RALGPS2: variants seen among roughly 807,000 people sequenced by gnomAD.
The protein encoded by RALGPS2 is Ral GEF with PH domain and SH3 binding motif 2, also known as ras-specific guanine nucleotide-releasing factor RalGPS2.
In RALGPS2, 43 loss-of-function variants were observed where a neutral mutation model predicts 86.8. That is an observed-to-expected ratio of 0.50 (90% CI 0.39 to 0.64). The LOEUF is 0.64. RALGPS2 is among the 30% of genes least tolerant of loss of function. The pLI is 0.00. For missense variants in RALGPS2, 536 were observed against 694.6 expected (o/e 0.77, Z 2.57); for synonymous variants, 243 against 231.3 (o/e 1.05, Z -0.46).
At chr1:178,822,966 A>C (rs985005662) in intron 7 of RALGPS2, among the ~76,000 whole-genome samples, 1 of 152,136 alleles carries the variant, frequency 6.6e-6, no homozygotes, top group Admixed American at 6.5e-5. Flanking sequence ...CTACAGGCAC[A>C]TGCCACCATG....
intron 12 of RALGPS2, among the ~76,000 whole-genome samples, 180 bp from the exon 13 acceptor site, chr1:178,885,789 A>G (rs1659455237): frequency 6.6e-6 from 1 of 152,208 alleles, no homozygotes; most frequent in African/African-American, 2.4e-5. Flanking sequence ...CTCTAATTAT[A>G]TAGATAGATA....
chr1:178,799,413 A>G (rs1363400601), intron 4 of RALGPS2, among the ~76,000 whole-genome samples: 3 of 152,206 alleles, frequency 2.0e-5, no homozygotes, highest in African/African-American at 7.2e-5. Context: ...AGCAAGGAAG[A>G]GAGGCAAGCA....
At chr1:178,870,007 T>G (rs1658652494) in intron 8 of RALGPS2, among the ~76,000 whole-genome samples, 1 of 152,150 alleles carries the variant, frequency 6.6e-6, no homozygotes, top group Non-Finnish European at 1.5e-5. Flanking sequence ...TATTTTCTAT[T>G]GTTAATACCA....
chr1:178,889,511 A>G (rs1225194638), intron 13 of RALGPS2, 131 bp from the exon 14 acceptor site: 2 of 664,446 alleles, frequency 3.0e-6, no homozygotes, highest in African/African-American at 3.8e-5. Context: ...AAGAATTAAT[A>G]TGTGGATATG....
chr1:178,894,132 T>A (rs1426649646), intron 16 of RALGPS2, 108 bp downstream of exon 16: 1 of 643,860 alleles, frequency 1.6e-6, no homozygotes, highest in East Asian at 2.9e-5. Context: ...TATAGTAGAC[T>A]TGAAATAATA....
At chr1:178,843,811 T>C (rs1207702070) in intron 8 of RALGPS2, among the ~76,000 whole-genome samples, 2 of 152,164 alleles carry the variant, frequency 1.3e-5, no homozygotes, top group Non-Finnish European at 2.9e-5. Context: ...ATTGTGAGAT[T>C]ATTGTGGACT....
intron 8 of RALGPS2, chr1:178,852,604 G>C: frequency 6.9e-7 from 1 of 1,451,646 alleles, no homozygotes; most frequent in Non-Finnish European, 9.3e-7. Context: ...AAAGACTTTA[G>C]TAGCATATAT....
intron 18 of RALGPS2, 64 bp from the exon 19 acceptor site, chr1:178,906,712 G>A: frequency 7.6e-7 from 1 of 1,317,716 alleles, no homozygotes; most frequent in Non-Finnish European, 1.1e-6. Flanking sequence ...ATTATTATCT[G>A]GCAGAATTAT....
chr1:178,893,823 C>A, intron 15 of RALGPS2, 96 bp from the exon 16 acceptor site: 1 of 799,178 alleles, frequency 1.3e-6, no homozygotes, highest in Non-Finnish European at 2.0e-6. Context: ...AAGTAACAAA[C>A]TTTTAAAATT....
At chr1:178,756,112 A>G (rs1012608647) in intron 1 of RALGPS2, among the ~76,000 whole-genome samples, 11 of 152,062 alleles carry the variant, frequency 7.2e-5, no homozygotes, top group African/African-American at 2.4e-4. Flanking sequence ...CTCCCATTCT[A>G]TAGGTTGTCT....
intron 8 of RALGPS2, among the ~76,000 whole-genome samples, chr1:178,856,394 A>ATTTTTTTTGTTT (rs1657576677): frequency 2.7e-5 from 1 of 36,432 alleles, no homozygotes; most frequent in Non-Finnish European, 4.7e-5. Flanking sequence ...TGCCTGGCTA[A>ATTTTTTTTGTTT]TTTTTTTTTT....
At chr1:178,804,547 G>A (rs555791551) in intron 4 of RALGPS2, among the ~76,000 whole-genome samples, 5 of 134,484 alleles carry the variant, frequency 3.7e-5, no homozygotes, top group Admixed American at 7.7e-5. Flanking sequence ...TTGTTCTTGC[G>A]ATAGTTTACT....
intron 16 of RALGPS2, among the ~76,000 whole-genome samples, chr1:178,895,827 T>A (rs1437135589): frequency 1.3e-5 from 2 of 151,984 alleles, no homozygotes; most frequent in Non-Finnish European, 2.9e-5. Context: ...TTATTAAACA[T>A]TCAAGTGGAG....
chr1:178,768,186 GT>G (rs1158829823), intron 1 of RALGPS2, among the ~76,000 whole-genome samples: 1 of 152,104 alleles, frequency 6.6e-6, no homozygotes, highest in African/African-American at 2.4e-5. Context: ...TCATTTCTGA[GT>G]TTCCATTTTG....
intron 8 of RALGPS2, among the ~76,000 whole-genome samples, chr1:178,871,907 G>A (rs1419525340): frequency 6.6e-6 from 1 of 152,196 alleles, no homozygotes; most frequent in Non-Finnish European, 1.5e-5. Context: ...TAAGGTGGTG[G>A]AAGAAATGAA....
At chr1:178,748,438 G>GA (rs1020588921) in intron 1 of RALGPS2, among the ~76,000 whole-genome samples, 44 of 152,194 alleles carry the variant, frequency 2.9e-4, no homozygotes, top group Admixed American at 2.6e-3. Flanking sequence ...TCACAAACTG[G>GA]AAAAAATGGA....
intron 1 of RALGPS2, among the ~76,000 whole-genome samples, chr1:178,763,933 T>TAA (rs1279801501): frequency 1.3e-5 from 2 of 152,136 alleles, no homozygotes; most frequent in Non-Finnish European, 2.9e-5. Flanking sequence ...GATTTTAAAG[T>TAA]ATGTGCCTTG....
chr1:178,797,158 T>C (rs1168380943), intron 4 of RALGPS2, among the ~76,000 whole-genome samples: 1 of 152,222 alleles, frequency 6.6e-6, no homozygotes, highest in African/African-American at 2.4e-5. Context: ...ATATGAGATA[T>C]TTTAGTATAG....
At chr1:178,852,677 A>T in intron 8 of RALGPS2, 1 of 1,603,962 alleles carries the variant, frequency 6.2e-7, no homozygotes, top group Non-Finnish European at 8.5e-7. Context: ...AGTTTTTCAT[A>T]CTTACCTGCA....
Sources: allele counts gnomAD v4.1 joint callset (sites outside exome capture counted in the v4.1 genomes callset), GRCh38; gene constraint gnomAD v4.1.1; transcripts MANE v1.5; gene names NCBI Gene and HGNC (gene_info 2026-07-23, HGNC 2026-07-21).